The following HPSE2 variants were observed in gnomAD, a reference collection of about 807,000 sequenced individuals.
HPSE2 encodes the protein heparanase 2 (inactive).
HPSE2 carries 38 observed loss-of-function variants against 60.5 expected under a neutral mutation model. The observed-to-expected ratio is 0.63, with a 90% CI of 0.48 to 0.82. The LOEUF is 0.82. HPSE2 is among the 40% of genes least tolerant of loss of function. HPSE2 has a pLI of 0.00. For missense variants in HPSE2, 713 were observed against 740.4 expected, an observed-to-expected ratio of 0.96 and a Z score of 0.43; for synonymous variants, 295 against 293.2, an observed-to-expected ratio of 1.01 and a Z score of -0.06.
chr10:98,671,082 A>G (rs1215775468), intron 6 of HPSE2, among the ~76,000 whole-genome samples: 21 of 152,206 alleles, frequency 1.4e-4, no homozygotes, highest in Non-Finnish European at 1.8e-4. Context: ...TGAATTAGGG[A>G]TACTCAACTG....
chr10:98,680,227 A>C (rs997980202), intron 6 of HPSE2, among the ~76,000 whole-genome samples: 6 of 152,158 alleles, frequency 3.9e-5, no homozygotes. Flanking sequence ...TTAGTTGCAA[A>C]CATGAAGACA....
chr10:98,994,596 C>G (rs975021063), intron 3 of HPSE2, among the ~76,000 whole-genome samples: 1 of 152,230 alleles, frequency 6.6e-6, no homozygotes, highest in African/African-American at 2.4e-5. Context: ...GCCCGGTTTT[C>G]CTGTCTCTCC....
At chr10:99,090,648 G>A (rs1243278427) in intron 3 of HPSE2, among the ~76,000 whole-genome samples, 1 of 152,046 alleles carries the variant, frequency 6.6e-6, no homozygotes, top group Non-Finnish European at 1.5e-5. Context: ...AATCAAATAT[G>A]TGAAAATACT....
At chr10:98,841,006 T>C (rs1057396561) in intron 3 of HPSE2, among the ~76,000 whole-genome samples, 1 of 152,146 alleles carries the variant, frequency 6.6e-6, no homozygotes, top group African/African-American at 2.4e-5. Flanking sequence ...CTGGGTTTGG[T>C]GGCTCACATG....
At chr10:98,989,751 T>G (rs573611885) in intron 3 of HPSE2, among the ~76,000 whole-genome samples, 2 of 152,316 alleles carry the variant, frequency 1.3e-5, no homozygotes, top group East Asian at 1.9e-4. Flanking sequence ...CTTTTTTGGA[T>G]AGCTGATTGC....
intron 3 of HPSE2, among the ~76,000 whole-genome samples, chr10:98,872,990 T>G (rs1452730689): frequency 6.6e-6 from 1 of 152,112 alleles, no homozygotes; most frequent in Non-Finnish European, 1.5e-5. Context: ...ATCTGCTTGC[T>G]CTGTTTAGAA....
chr10:98,794,419 A>G (rs1183540745), intron 3 of HPSE2, among the ~76,000 whole-genome samples: 1 of 151,862 alleles, frequency 6.6e-6, no homozygotes. Flanking sequence ...ATTATTTTGT[A>G]TTTTTAGTAG....
At chr10:99,283,505 T>TA in the HPSE2 span, among the ~76,000 whole-genome samples, 1,025 of 40,170 alleles carry the variant, frequency 0.026, 17 homozygotes, top group African/African-American at 0.11. Context: ...TCACAAAAAA[T>TA]CAAAAAAAAG....
At chr10:98,960,645 A>C (rs192781807) in intron 3 of HPSE2, among the ~76,000 whole-genome samples, 21 of 146,540 alleles carry the variant, frequency 1.4e-4, no homozygotes, top group Admixed American at 1.3e-3. Context: ...CCTTGTTTGT[A>C]TATCTAATAC....
At chr10:99,132,875 G>A (rs927181379) in intron 3 of HPSE2, among the ~76,000 whole-genome samples, 7 of 152,118 alleles carry the variant, frequency 4.6e-5, no homozygotes, top group Admixed American at 1.3e-4. Context: ...TGCCTGAAAC[G>A]CCAGCGAGAC....
rs573821292 is a variant in HPSE2 at position 98,591,053 on chromosome 10, A to ATCT, written c.1320+23848_1320+23850dup. On this transcript the variant is annotated intron_variant, in intron 9 of 11. Coordinates refer to ENST00000370552, the MANE Select transcript of HPSE2 (RefSeq NM_021828.5). Reference sequence around the variant, plus strand: ...AAGAGACTCTGAACAAGCTATAGTAATCTTCCCTGTACAGTTATACCTATG... The same window carrying ATCT: ...AAGAGACTCTGAACAAGCTATAGTAATCTTCTTCCCTGTACAGTTATACCTATG... Among the ~76,000 whole-genome samples, 639 of 152,236 alleles carry ATCT rather than the reference A, an allele frequency of 4.2e-3. 2 individuals carry two copies. Among genetic ancestry groups the ATCT allele is most frequent in the African/African-American group, 0.015 (615 of 41,530 alleles).
At chr10:98,790,317 T>C (rs763717322) in intron 3 of HPSE2, among the ~76,000 whole-genome samples, 4 of 152,188 alleles carry the variant, frequency 2.6e-5, no homozygotes, top group South Asian at 2.1e-4. Flanking sequence ...AATATGCCAA[T>C]TTCAATTCCT....
intron 9 of HPSE2, among the ~76,000 whole-genome samples, chr10:98,516,997 G>A (rs964820737): frequency 6.6e-6 from 1 of 152,116 alleles, no homozygotes; most frequent in Non-Finnish European, 1.5e-5. Flanking sequence ...AAATTTACCA[G>A]GAGCTCCCTG....
intron 10 of HPSE2, among the ~76,000 whole-genome samples, chr10:98,487,267 C>T (rs1028055168): frequency 2.0e-5 from 3 of 152,132 alleles, no homozygotes; most frequent in African/African-American, 7.2e-5. Context: ...AGAAAAGCAC[C>T]TGCTGGTGGT....
At chr10:99,161,158 C>T (rs1312906566) in intron 2 of HPSE2, among the ~76,000 whole-genome samples, 1 of 149,410 alleles carries the variant, frequency 6.7e-6, no homozygotes, top group Non-Finnish European at 1.5e-5. Context: ...GAGTTTGAGG[C>T]GATAGTGAGC....
intron 3 of HPSE2, among the ~76,000 whole-genome samples, chr10:98,771,022 A>G (rs1250183638): frequency 6.6e-6 from 1 of 152,160 alleles, no homozygotes; most frequent in East Asian, 1.9e-4. Flanking sequence ...ACATGAGGAG[A>G]AAATATCTAT....
At chr10:99,221,992 G>A (rs572692624) in intron 2 of HPSE2, among the ~76,000 whole-genome samples, 15 of 152,268 alleles carry the variant, frequency 9.9e-5, no homozygotes, top group Non-Finnish European at 8.8e-5. Flanking sequence ...CAGCTGAGAC[G>A]TGCTACAGAA....
At chr10:99,288,680 C>T in the HPSE2 span, among the ~76,000 whole-genome samples, 7 of 133,196 alleles carry the variant, frequency 5.3e-5, no homozygotes, top group Admixed American at 4.5e-4. Context: ...AGCTGTACAG[C>T]AGCCTAGAGA....
At chr10:98,593,340 C>T (rs1314786165) in intron 9 of HPSE2, among the ~76,000 whole-genome samples, 1 of 152,012 alleles carries the variant, frequency 6.6e-6, no homozygotes, top group African/African-American at 2.4e-5. Flanking sequence ...CTGGGACTGG[C>T]TCATTGGAAT....
Sources: gnomAD v4.1 joint callset for allele counts (sites outside exome capture counted in the v4.1 genomes callset) on GRCh38, gnomAD v4.1.1 for gene constraint, MANE v1.5 for transcripts, NCBI Gene and HGNC (gene_info 2026-07-23, HGNC 2026-07-21) for gene names.